Variants in DRICH1 observed in about 807,000 individuals in gnomAD.
DRICH1 encodes the protein aspartate-rich protein 1.
DRICH1 carries 38 observed loss-of-function variants against 39.5 expected under a neutral mutation model. The ratio of observed to expected loss-of-function variants is 0.96; its 90% confidence interval spans 0.74 to 1.26. DRICH1 has a LOEUF of 1.26. Ranked by LOEUF, DRICH1 falls within the 50% of genes most tolerant of loss-of-function variation. The pLI is 0.00. For synonymous variants in DRICH1, 84 were observed against 99.5 expected (o/e 0.84, Z 0.93); for missense variants, 279 against 270.4 (o/e 1.03, Z -0.22).
chr22:23,621,252 G>GAAA (rs530583344), intron 4 of DRICH1, among the ~76,000 whole-genome samples: 81 of 150,872 alleles, frequency 5.4e-4, no homozygotes, highest in African/African-American at 1.9e-3. Context: ...TTCAACCAAA[G>GAAA]AAGTTTAGTC....
the DRICH1 span, among the ~76,000 whole-genome samples, chr22:23,592,881 A>C: frequency 5.5e-5 from 7 of 126,886 alleles, no homozygotes; most frequent in Middle Eastern, 4.0e-3. Flanking sequence ...CACACACACA[A>C]AATTAGCTGG....
chr22:23,620,478 A>C, intron 5 of DRICH1, 116 bp downstream of exon 5: 1 of 1,178,604 alleles, frequency 8.5e-7, no homozygotes, highest in Non-Finnish European at 1.3e-6. Context: ...ACACTTGCAG[A>C]ATCATTTGCT....
the DRICH1 span, among the ~76,000 whole-genome samples, chr22:23,589,638 C>A: frequency 6.6e-6 from 1 of 152,078 alleles, no homozygotes; most frequent in Non-Finnish European, 1.5e-5. Flanking sequence ...AGTGTTACGA[C>A]AAATGCAATT....
At chr22:23,618,890 T>G (rs1238112142) in intron 6 of DRICH1, among the ~76,000 whole-genome samples, 2 of 152,078 alleles carry the variant, frequency 1.3e-5, no homozygotes, top group Non-Finnish European at 2.9e-5. Flanking sequence ...TATCACAAAT[T>G]TGTCCAGGCG....
chr22:23,593,957 G>A, the DRICH1 span, among the ~76,000 whole-genome samples: 7 of 129,534 alleles, frequency 5.4e-5, no homozygotes, highest in African/African-American at 2.1e-4. Flanking sequence ...CAGCCTGGGC[G>A]ACAGAGCAAG....
intron 1 of DRICH1, among the ~76,000 whole-genome samples, chr22:23,628,333 G>C (rs1458594907): frequency 6.6e-6 from 1 of 152,218 alleles, no homozygotes; most frequent in East Asian, 1.9e-4. Context: ...TTGGGAGGCC[G>C]AGGTGGGTGG....
the DRICH1 span, chr22:23,581,392 G>A: frequency 2.0e-5 from 3 of 152,256 alleles, no homozygotes; most frequent in Admixed American, 2.0e-4. Flanking sequence ...GGGCGGCCAG[G>A]GCCAGGCTCT....
intron 1 of DRICH1, among the ~76,000 whole-genome samples, chr22:23,628,562 T>G (rs1928209287): frequency 6.6e-6 from 1 of 152,072 alleles, no homozygotes; most frequent in African/African-American, 2.4e-5. Flanking sequence ...AGAGTGAGAC[T>G]CCACCTCAAA....
At chr22:23,619,493 C>T in intron 5 of DRICH1, 100 bp from the exon 6 acceptor site, 1 of 738,052 alleles carries the variant, frequency 1.4e-6, no homozygotes, top group Non-Finnish European at 2.5e-6. Context: ...GGAGGATGCA[C>T]ATTCATGAGA....
the DRICH1 span, among the ~76,000 whole-genome samples, chr22:23,596,300 A>G: frequency 6.6e-6 from 1 of 152,062 alleles, no homozygotes. Flanking sequence ...AGAGTCTTGC[A>G]TCCAGGCTGG....
intron 1 of DRICH1, among the ~76,000 whole-genome samples, chr22:23,628,852 CAA>C (rs1304218083): frequency 6.6e-6 from 1 of 152,086 alleles, no homozygotes; most frequent in Non-Finnish European, 1.5e-5. Flanking sequence ...CATCATCGCA[CAA>C]AGAGATGGAG....
chr22:23,613,330 T>C lies in DRICH1; in HGVS notation c.644A>G (p.Asp215Gly). 6.2e-7 allele frequency: 1 copy of C among 1,612,720 alleles called. No homozygotes were observed. The change falls in exon 11 of 12, where the codon GAC becomes GGC. Residue 215 changes from aspartate (D) to glycine (G), a missense_variant and splice_region_variant. Asp to Gly is a moderately conservative substitution (Grantham distance 94, BLOSUM62 -1). Coordinates refer to ENST00000317749, the MANE Select transcript of DRICH1 (RefSeq NM_016449.4). ...DIHITARIES[D>G]LTLESLSDEE... ...ATCACTTAGACTCTCCAGCGTCAAG[T>C]CTTTAGAAACAAAAACACCAGAATA...
intron 10 of DRICH1, 41 bp downstream of exon 10, chr22:23,613,598 A>G: frequency 6.5e-7 from 1 of 1,543,636 alleles, no homozygotes; most frequent in Non-Finnish European, 9.0e-7. Context: ...GAAGCTAGCA[A>G]GTTTTTTCCC....
intron 8 of DRICH1, among the ~76,000 whole-genome samples, chr22:23,615,982 AAG>A: frequency 6.6e-6 from 1 of 152,334 alleles, no homozygotes; most frequent in East Asian, 1.9e-4. Flanking sequence ...CAGTGTGCTC[AAG>A]GTTGTGCTTC....
At chr22:23,593,855 G>A in the DRICH1 span, among the ~76,000 whole-genome samples, 1 of 151,934 alleles carries the variant, frequency 6.6e-6, no homozygotes, top group Non-Finnish European at 1.5e-5. Flanking sequence ...GCGCATGCCT[G>A]TAATCCCAGC....
the DRICH1 span, among the ~76,000 whole-genome samples, chr22:23,591,053 C>T: frequency 6.6e-6 from 1 of 152,204 alleles, no homozygotes; most frequent in Admixed American, 6.5e-5. Flanking sequence ...CTTCCTCAAA[C>T]CTTCTCTAGC....
chr22:23,619,930 A>G (rs528525803), intron 5 of DRICH1, among the ~76,000 whole-genome samples: 31 of 150,450 alleles, frequency 2.1e-4, no homozygotes, highest in African/African-American at 4.0e-4. Flanking sequence ...TGGGCACACC[A>G]CAGAATTCTG....
chr22:23,623,505 G>A (rs1927891511), intron 3 of DRICH1, among the ~76,000 whole-genome samples: 1 of 152,146 alleles, frequency 6.6e-6, no homozygotes, highest in South Asian at 2.1e-4. Context: ...AGAAAGTAAA[G>A]AACATACAAA....
the DRICH1 span, among the ~76,000 whole-genome samples, chr22:23,596,771 C>A: frequency 2.6e-5 from 4 of 152,186 alleles, no homozygotes; most frequent in African/African-American, 9.7e-5. Flanking sequence ...AGATTTGTTT[C>A]ATGGTCTAAT....
Sources: gnomAD v4.1 joint callset for allele counts (sites outside exome capture counted in the v4.1 genomes callset) on GRCh38, gnomAD v4.1.1 for gene constraint, MANE v1.5 for transcripts, NCBI Gene and HGNC (gene_info 2026-07-23, HGNC 2026-07-21) for gene names.